BDP1: variants seen among roughly 807,000 people sequenced by gnomAD.
BDP1 encodes BDP1 general transcription factor IIIB subunit, also known as transcription factor TFIIIB component B'' homolog.
Under a neutral mutation model 266.6 loss-of-function variants are expected in BDP1, and 169 were observed. The observed-to-expected ratio is 0.63, with a 90% CI of 0.56 to 0.72. BDP1 has a LOEUF of 0.72. BDP1 is among the 30% of genes least tolerant of loss of function. The pLI is 0.00. For missense variants in BDP1, 3,015 were observed against 3,053.8 expected (o/e 0.99, Z 0.30); for synonymous variants, 1,090 against 1,022.4 (o/e 1.07, Z -1.26).
chr5:71,463,101 ACT>A (rs1245108801), intron 3 of BDP1, among the ~76,000 whole-genome samples: 1 of 151,878 alleles, frequency 6.6e-6, no homozygotes, highest in African/African-American at 2.4e-5. Flanking sequence ...AGACAGCGAG[ACT>A]CTGTCTCATT....
chr5:71,461,432 C>G (rs1443621646), intron 2 of BDP1, among the ~76,000 whole-genome samples: 2 of 151,078 alleles, frequency 1.3e-5, no homozygotes, highest in East Asian at 3.9e-4. Context: ...TAGGGAGACT[C>G]CATCTCTACC....
chr5:71,483,977 GTT>G, intron 8 of BDP1, 81 bp downstream of exon 8: 1 of 1,187,814 alleles, frequency 8.4e-7, no homozygotes, highest in Non-Finnish European at 1.2e-6. Context: ...GCTTTAGTGT[GTT>G]TTAGATTTGT....
Position 71,461,837 on chromosome 5 carries a change from T to C in BDP1, c.510T>C (p.Tyr170=), listed in dbSNP as rs368092331. 6 of 1,600,382 alleles carry C rather than the reference T, an allele frequency of 3.7e-6. No homozygotes were observed. The highest frequency in any genetic ancestry group is 1.3e-5 in the African/African-American group (1 of 74,078). Residue 170 remains tyrosine (Y), a synonymous_variant, in exon 3 of 39, where the codon TAT becomes TAC. Coordinates refer to ENST00000358731, the MANE Select transcript of BDP1 (RefSeq NM_018429.3). ...TACAGAAACAATGGAAAAACAAATATGCTATAAATGAAAGTCAGAGGCCAC... is the reference window on the plus strand; with the variant it reads ...TACAGAAACAATGGAAAAACAAATACGCTATAAATGAAAGTCAGAGGCCAC... ...RKEKKQWKNK[Y]AINESQRPPD...
chr5:71,559,644 G>A (rs1276095293), intron 36 of BDP1, among the ~76,000 whole-genome samples: 1 of 152,066 alleles, frequency 6.6e-6, no homozygotes, highest in Non-Finnish European at 1.5e-5. Flanking sequence ...CTATATTTTG[G>A]ATTGGTTTGG....
At chr5:71,483,266 T>G (rs563040525) in intron 7 of BDP1, among the ~76,000 whole-genome samples, 25 of 152,266 alleles carry the variant, frequency 1.6e-4, no homozygotes, top group African/African-American at 5.5e-4. Flanking sequence ...CCTAATGACT[T>G]TAGGATGGAT....
intron 7 of BDP1, among the ~76,000 whole-genome samples, chr5:71,474,676 C>T (rs559456104): frequency 2.6e-5 from 4 of 151,686 alleles, no homozygotes; most frequent in South Asian, 4.2e-4. Flanking sequence ...GATGAAACCC[C>T]GATCCTATTA....
rs773702716 is a variant in BDP1, at chr5:71,522,951, TA to T, written c.5387+4del. ...GCAATATCTCAATAAACTAACAAGG[TA>T]ACATTTTATTTAACAAAATGTTTCA... On this transcript the variant is annotated splice_donor_region_variant and intron_variant, in intron 24 of 38. Transcript: ENST00000358731. The T allele has an allele frequency of 1.9e-6, 3 of 1,558,966 alleles. No homozygotes were observed. The Admixed American group carries it at 6.1e-5, about 32-fold the overall frequency.
intron 1 of BDP1, among the ~76,000 whole-genome samples, chr5:71,457,532 A>G (rs1761274067): frequency 6.6e-6 from 1 of 151,580 alleles, no homozygotes; most frequent in Non-Finnish European, 1.5e-5. Flanking sequence ...GCCAGGCTGG[A>G]CTCGAACTCC....
intron 9 of BDP1, among the ~76,000 whole-genome samples, chr5:71,487,089 T>A (rs949877108): frequency 6.6e-6 from 1 of 152,200 alleles, no homozygotes; most frequent in South Asian, 2.1e-4. Context: ...ATGTAGGTAT[T>A]TTTATTTTTA....
intron 7 of BDP1, among the ~76,000 whole-genome samples, chr5:71,482,022 G>A (rs1762995807): frequency 6.6e-6 from 1 of 152,118 alleles, no homozygotes; most frequent in Non-Finnish European, 1.5e-5. Context: ...GTATTAATGA[G>A]GTCTTTCCAT....
chr5:71,508,210 C>G (rs1279418303), intron 16 of BDP1, among the ~76,000 whole-genome samples: 1 of 152,210 alleles, frequency 6.6e-6, no homozygotes, highest in African/African-American at 2.4e-5. Context: ...AGTGATCCAC[C>G]TGTCTCAGCC....
chr5:71,459,279 AG>A (rs925646158), intron 2 of BDP1, among the ~76,000 whole-genome samples: 1 of 151,596 alleles, frequency 6.6e-6, no homozygotes, highest in Non-Finnish European at 1.5e-5. Flanking sequence ...TGGGAGGACT[AG>A]GGGGGCAGAT....
the BDP1 span, among the ~76,000 whole-genome samples, chr5:71,574,761 C>T: frequency 6.6e-6 from 1 of 152,116 alleles, no homozygotes; most frequent in African/African-American, 2.4e-5. Context: ...ATTGCTTATT[C>T]CCTGCAAATT....
intron 7 of BDP1, 50 bp from the exon 8 acceptor site, chr5:71,483,792 A>T (rs1014694413): frequency 6.5e-6 from 9 of 1,388,664 alleles, no homozygotes; most frequent in Non-Finnish European, 8.2e-6. Context: ...TTAAAAAAAA[A>T]TGCTTGTTTT....
At position 71,489,804 on chromosome 5, in the gene BDP1, A is replaced by G. The variant is rs1015826619; in HGVS notation, c.1492+122A>G. On this transcript the variant is annotated intron_variant, in intron 10 of 38. Transcript: ENST00000358731. ...AATGATGCTTATTAATTGGTTCTGT[A>G]CTAATGGTACTGTGCTAACGCTGTT... 3.5e-4 allele frequency: 264 copies of G among 764,380 alleles called. No homozygotes were observed. The East Asian group carries it at 6.6e-3, about 19-fold the overall frequency. The allele number at this position is 764,380 out of a possible 1,614,324, so 47.3% of individuals were successfully genotyped here.
intron 25 of BDP1, among the ~76,000 whole-genome samples, chr5:71,528,492 TAACTA>T (rs1471270625): frequency 6.6e-6 from 1 of 152,194 alleles, no homozygotes; most frequent in East Asian, 1.9e-4. Context: ...GAATCAGAGT[TAACTA>T]AGATAGTGGC....
Position 71,526,684 on chromosome 5 carries a change from TG to T in BDP1, c.5772+2362del, listed in dbSNP as rs1162073172. 1.3e-3 allele frequency among the ~76,000 whole-genome samples: 183 copies of T among 142,162 alleles called. 1 individual carries two copies. Among genetic ancestry groups the T allele is most frequent in the African/African-American group, 4.6e-3 (179 of 38,766 alleles). 93.3% of individuals were successfully genotyped at this position (142,162 alleles called of 152,430 possible). A position where few individuals can be genotyped will look rare whatever the true frequency, so the allele number is the denominator to read the frequency against. On this transcript the variant is annotated intron_variant, in intron 25 of 38. Transcript: ENST00000358731. ...ACATAAAATTTACTATCTCTCTCTC[TG>T]TTTTTTTTTTTTTTTTTTTAAAGAC...
chr5:71,536,432 A>G (rs1401273466), intron 26 of BDP1, among the ~76,000 whole-genome samples: 1 of 152,228 alleles, frequency 6.6e-6, no homozygotes, highest in African/African-American at 2.4e-5. Context: ...CACATTAACA[A>G]AATTATTAGG....
chr5:71,510,413 G>T lies in BDP1; in HGVS notation c.3321G>T (p.Glu1107Asp). 1 of 1,614,020 alleles carries T rather than the reference G, an allele frequency of 6.2e-7. No homozygotes were observed. Among genetic ancestry groups the T allele is most frequent in the Admixed American group, 1.7e-5 (1 of 60,016 alleles). ...EISPQENGLEEVKPLGEMQTD... is the reference protein window; with the variant it reads ...EISPQENGLEDVKPLGEMQTD... ...CCCCACAGGAAAATGGCCTAGAGGA[G>T]GTTAAGCCTCTAGGTGAAATGCAAA... Residue 1107 changes from glutamate to aspartate, a missense_variant, in exon 17 of 39, where the codon GAG (glutamate) becomes GAT (aspartate). Glu to Asp is a conservative substitution (Grantham distance 45). Around this residue, in one of 3 missense-constraint regions of BDP1, gnomAD observed 2,383 missense variants for 2,404.9 expected, o/e 0.99. Coordinates refer to ENST00000358731, the MANE Select transcript of BDP1 (RefSeq NM_018429.3).
Sources: gnomAD v4.1 joint callset for allele counts (sites outside exome capture counted in the v4.1 genomes callset) on GRCh38, gnomAD v4.1.1 for gene constraint, gnomAD v4.1.1 regional missense constraint, MANE v1.5 for transcripts, NCBI Gene and HGNC (gene_info 2026-07-23, HGNC 2026-07-21) for gene names.